LINGO2: variants seen among roughly 807,000 people sequenced by gnomAD.
The protein encoded by LINGO2 is leucine-rich repeat and immunoglobulin-like domain-containing nogo receptor-interacting protein 2.
In LINGO2, 14 loss-of-function variants were observed where a neutral mutation model predicts 30.6. The observed-to-expected ratio is 0.46, with a 90% CI of 0.30 to 0.72. LINGO2 has a LOEUF of 0.72. Ranked by LOEUF, LINGO2 falls within the 30% of genes least tolerant of loss-of-function variation. LINGO2 has a pLI of 0.07. For missense variants in LINGO2, 729 were observed against 751.7 expected (o/e 0.97, Z 0.35); for synonymous variants, 317 against 288.5 (o/e 1.10, Z -1.00).
chr9:28,306,967 C>A (rs1309888808), intron 3 of LINGO2, among the ~76,000 whole-genome samples: 1 of 151,956 alleles, frequency 6.6e-6, no homozygotes, highest in Non-Finnish European at 1.5e-5. Context: ...AGTCCAGGAC[C>A]AGATGGATTC....
At chr9:28,617,450 C>A (rs1403222659) in intron 1 of LINGO2, among the ~76,000 whole-genome samples, 2 of 152,122 alleles carry the variant, frequency 1.3e-5, no homozygotes, top group Admixed American at 1.3e-4. Context: ...CGCCCACCAC[C>A]ACTCCTGGCT....
chr9:29,070,491 A>G, the LINGO2 span, among the ~76,000 whole-genome samples: 3 of 152,138 alleles, frequency 2.0e-5, no homozygotes, highest in Admixed American at 2.0e-4. Flanking sequence ...AAAGAACCTG[A>G]AGTGAATCAG....
chr9:28,425,518 G>T (rs1412240), intron 2 of LINGO2, among the ~76,000 whole-genome samples: 140,709 of 151,956 alleles, frequency 0.93, 65,214 homozygotes, highest in East Asian at 1. Context: ...GCTCATGCTC[G>T]TAATACTGTG....
the LINGO2 span, among the ~76,000 whole-genome samples, chr9:28,984,774 C>G: frequency 6.6e-6 from 1 of 151,918 alleles, no homozygotes; most frequent in Non-Finnish European, 1.5e-5. Flanking sequence ...TCACGGGATA[C>G]AAAATGAAGT....
the LINGO2 span, among the ~76,000 whole-genome samples, chr9:28,999,880 C>T: frequency 6.7e-6 from 1 of 148,952 alleles, no homozygotes; most frequent in African/African-American, 2.5e-5. Flanking sequence ...TCCAATCCTC[C>T]GATACATTTC....
At chr9:28,465,659 GA>G (rs1402604383) in intron 2 of LINGO2, among the ~76,000 whole-genome samples, 1 of 152,004 alleles carries the variant, frequency 6.6e-6, no homozygotes, top group Non-Finnish European at 1.5e-5. Context: ...AACCAATCAA[GA>G]AATTGAAGAG....
At chr9:29,097,944 T>C in the LINGO2 span, among the ~76,000 whole-genome samples, 1 of 146,822 alleles carries the variant, frequency 6.8e-6, no homozygotes, top group African/African-American at 2.5e-5. Context: ...ACTGGAAAGA[T>C]TATGGTGTGT....
chr9:29,082,600 G>C, the LINGO2 span, among the ~76,000 whole-genome samples: 2 of 152,056 alleles, frequency 1.3e-5, no homozygotes, highest in East Asian at 3.9e-4. Flanking sequence ...TTAAACTAAG[G>C]AGCTTCTGCA....
chr9:28,003,223 C>A (rs1412324353), intron 5 of LINGO2, among the ~76,000 whole-genome samples: 7 of 152,030 alleles, frequency 4.6e-5, no homozygotes, highest in Non-Finnish European at 1.5e-5. Context: ...GCTTTGCAAA[C>A]ATTTATTCCT....
chr9:28,087,766 G>A (rs1825955465), intron 4 of LINGO2, among the ~76,000 whole-genome samples: 1 of 151,970 alleles, frequency 6.6e-6, no homozygotes, highest in African/African-American at 2.4e-5. Flanking sequence ...ATGGGAATTA[G>A]CATTTCATTG....
chr9:28,284,687 T>C (rs1050224156), intron 4 of LINGO2, among the ~76,000 whole-genome samples: 2 of 152,188 alleles, frequency 1.3e-5, no homozygotes, highest in Non-Finnish European at 2.9e-5. Flanking sequence ...GTATCTCAAA[T>C]TAGAGAATTA....
chr9:28,686,441 T>C, the LINGO2 span, among the ~76,000 whole-genome samples: 1 of 152,044 alleles, frequency 6.6e-6, no homozygotes, highest in Admixed American at 6.6e-5. Flanking sequence ...AGCTCAAAAT[T>C]AGCCAGAACA....
intron 2 of LINGO2, among the ~76,000 whole-genome samples, chr9:28,429,128 G>A (rs1823539269): frequency 6.6e-6 from 1 of 152,148 alleles, no homozygotes; most frequent in African/African-American, 2.4e-5. Flanking sequence ...CTCAGTAAAT[G>A]TTTAATGTTT....
the LINGO2 span, among the ~76,000 whole-genome samples, chr9:28,999,404 C>T: frequency 6.6e-6 from 1 of 152,062 alleles, no homozygotes; most frequent in Non-Finnish European, 1.5e-5. Flanking sequence ...TCTCAGCCAA[C>T]TGTGATTCTT....
At chr9:28,897,208 C>G in the LINGO2 span, among the ~76,000 whole-genome samples, 1 of 152,098 alleles carries the variant, frequency 6.6e-6, no homozygotes. Context: ...AAACTCATCT[C>G]CATTAGTAAA....
chr9:28,097,458 G>A lies in LINGO2; in HGVS notation c.-86-85053C>T, dbSNP rs201392893. On this transcript the variant is annotated intron_variant, in intron 4 of 5. Transcript: ENST00000379992. ...CCCAAATGTCCAACAATGATAGACTGGATTAAGAAAATGTGGCACATATAC... is the reference window on the plus strand; with the variant it reads ...CCCAAATGTCCAACAATGATAGACTAGATTAAGAAAATGTGGCACATATAC... Among the ~76,000 whole-genome samples, 15 of 145,446 alleles carry A rather than the reference G, an allele frequency of 1.0e-4. No homozygotes were observed. The East Asian group carries it at 3.0e-3, about 29-fold the overall frequency.
chr9:28,990,289 G>C, the LINGO2 span, among the ~76,000 whole-genome samples: 6,314 of 152,306 alleles, frequency 0.041, 201 homozygotes, highest in Admixed American at 0.083. Context: ...CAAGGCAGCA[G>C]CAAGGCTGGG....
chr9:28,072,087 C>T (rs1442888728), intron 4 of LINGO2, among the ~76,000 whole-genome samples: 1 of 152,108 alleles, frequency 6.6e-6, no homozygotes, highest in Non-Finnish European at 1.5e-5. Context: ...TTTCTATTCA[C>T]TTAACACAAA....
chr9:28,355,325 CTGTCTCTG>C (rs1470119315), intron 3 of LINGO2, among the ~76,000 whole-genome samples: 2 of 101,088 alleles, frequency 2.0e-5, no homozygotes, highest in Non-Finnish European at 4.6e-5. Context: ...CTCTCTCTCT[CTGTCTCTG>C]TCTCTCTCTC....
Sources: gnomAD v4.1 joint callset for allele counts (sites outside exome capture counted in the v4.1 genomes callset) on GRCh38, gnomAD v4.1.1 for gene constraint, MANE v1.5 for transcripts, NCBI Gene and HGNC (gene_info 2026-07-23, HGNC 2026-07-21) for gene names.